The following CALN1 variants were observed in gnomAD, a reference collection of about 807,000 sequenced individuals.
CALN1 encodes the protein calcium-binding protein 8.
In CALN1, 17 loss-of-function variants were observed where a neutral mutation model predicts 30.6. That is an observed-to-expected ratio of 0.56 (90% CI 0.38 to 0.83). The LOEUF (loss-of-function observed/expected upper bound fraction) is 0.83. Among genes scored for constraint, CALN1 ranks in the 40% least tolerant of loss-of-function variants. The pLI, the probability that CALN1 is intolerant of heterozygous loss-of-function variation, is 0.00. For synonymous variants in CALN1, 156 were observed against 131.4 expected, an observed-to-expected ratio of 1.19 and a Z score of -1.28; for missense variants, 291 against 354.9, an observed-to-expected ratio of 0.82 and a Z score of 1.45.
intron 5 of CALN1, among the ~76,000 whole-genome samples, chr7:71,823,929 A>G (rs988458301): frequency 6.6e-6 from 1 of 152,126 alleles, no homozygotes; most frequent in Non-Finnish European, 1.5e-5. Context: ...AATCCATCAG[A>G]TCGCGTGAGA....
At chr7:72,186,737 T>A (rs1190588927) in intron 3 of CALN1, among the ~76,000 whole-genome samples, 2 of 152,284 alleles carry the variant, frequency 1.3e-5, no homozygotes, top group Admixed American at 6.5e-5. Flanking sequence ...GCGAAGGACA[T>A]GATTTTGTCC....
chr7:72,132,036 A>T (rs781209373), intron 3 of CALN1, among the ~76,000 whole-genome samples: 1 of 152,202 alleles, frequency 6.6e-6, no homozygotes, highest in Non-Finnish European at 1.5e-5. Flanking sequence ...CCAGTCGCTC[A>T]ATGTATATGC....
chr7:72,350,999 G>C (rs1018293797), intron 2 of CALN1, among the ~76,000 whole-genome samples: 7 of 152,012 alleles, frequency 4.6e-5, no homozygotes, highest in Admixed American at 1.3e-4. Flanking sequence ...AAATGAGCTG[G>C]GCGTGGTGGC....
intron 5 of CALN1, among the ~76,000 whole-genome samples, chr7:71,843,263 T>C (rs1584349084): frequency 1.3e-5 from 2 of 152,152 alleles, no homozygotes; most frequent in Non-Finnish European, 1.5e-5. Flanking sequence ...GAGCACCATC[T>C]TGAATTCACA....
chr7:72,354,611 A>G (rs1369143184), intron 2 of CALN1, among the ~76,000 whole-genome samples: 1 of 152,254 alleles, frequency 6.6e-6, no homozygotes, highest in Non-Finnish European at 1.5e-5. Context: ...GCAAAGGAAC[A>G]GAAATGATTA....
intron 4 of CALN1, among the ~76,000 whole-genome samples, chr7:72,070,805 T>C (rs1032279273): frequency 1.3e-5 from 2 of 152,186 alleles, no homozygotes; most frequent in African/African-American, 4.8e-5. Context: ...ACTTTGCAGT[T>C]TTTATAAGGT....
At chr7:72,499,825 CCTTCTTT>C in the CALN1 span, among the ~76,000 whole-genome samples, 1 of 66,088 alleles carries the variant, frequency 1.5e-5, no homozygotes, top group Non-Finnish European at 2.7e-5. Flanking sequence ...TTCCTTCCTT[CCTTCTTT>C]CTTTCTTTCT....
At chr7:71,997,260 T>C (rs1311360779) in intron 5 of CALN1, among the ~76,000 whole-genome samples, 1 of 150,198 alleles carries the variant, frequency 6.7e-6, no homozygotes, top group African/African-American at 2.4e-5. Flanking sequence ...AAAGAAAGAA[T>C]CAAATGGAAC....
intron 3 of CALN1, among the ~76,000 whole-genome samples, chr7:72,134,893 G>C (rs1809398581): frequency 6.6e-6 from 1 of 152,204 alleles, no homozygotes; most frequent in Non-Finnish European, 1.5e-5. Context: ...CCTTGCCACT[G>C]TTTTATTATG....
the CALN1 span, among the ~76,000 whole-genome samples, chr7:72,455,321 ATGTGTGTGTGTGTGTGTGTGTGTGTG>A: frequency 1.4e-5 from 2 of 138,764 alleles, no homozygotes; most frequent in Admixed American, 1.5e-4. Flanking sequence ...ATATATATAT[ATGTGTGTGTGTGTGTGTGTGTGTGTG>A]TGTGTGTGTG....
intron 3 of CALN1, among the ~76,000 whole-genome samples, chr7:72,266,110 G>C (rs1226807290): frequency 6.6e-6 from 1 of 151,518 alleles, no homozygotes; most frequent in African/African-American, 2.4e-5. Context: ...TTCCAGCCTG[G>C]ACAACAGACC....
intron 5 of CALN1, among the ~76,000 whole-genome samples, chr7:71,932,771 G>C (rs1383264721): frequency 6.9e-6 from 1 of 145,112 alleles, no homozygotes; most frequent in East Asian, 2.0e-4. Context: ...AGCCGAGATC[G>C]CATCACTGCA....
At chr7:72,427,930 C>T (rs940999839) in intron 1 of CALN1, among the ~76,000 whole-genome samples, 3 of 152,124 alleles carry the variant, frequency 2.0e-5, no homozygotes, top group African/African-American at 4.8e-5. Flanking sequence ...CACTGCCTAA[C>T]CCCTGCCTCT....
intron 4 of CALN1, among the ~76,000 whole-genome samples, chr7:72,030,276 C>T (rs948029294): frequency 2.6e-5 from 4 of 152,140 alleles, no homozygotes; most frequent in Non-Finnish European, 5.9e-5. Flanking sequence ...GTTGGAGGAA[C>T]AATCAGGATA....
At chr7:72,248,405 C>T (rs545989377) in intron 3 of CALN1, among the ~76,000 whole-genome samples, 3 of 152,278 alleles carry the variant, frequency 2.0e-5, no homozygotes, top group African/African-American at 7.2e-5. Flanking sequence ...GGCCTCTTTG[C>T]CTTTTCTCAC....
intron 2 of CALN1, among the ~76,000 whole-genome samples, chr7:72,394,127 T>C (rs1805762908): frequency 6.6e-6 from 1 of 152,160 alleles, no homozygotes; most frequent in African/African-American, 2.4e-5. Flanking sequence ...ATTTACACTT[T>C]GTGCATATAG....
At chr7:72,268,029 T>A (rs1229236095) in intron 3 of CALN1, among the ~76,000 whole-genome samples, 1 of 152,050 alleles carries the variant, frequency 6.6e-6, no homozygotes, top group South Asian at 2.1e-4. Context: ...AATAAATAAA[T>A]AAAAATTAAT....
At chr7:72,419,603 C>G (rs770028656) in intron 1 of CALN1, among the ~76,000 whole-genome samples, 2 of 152,164 alleles carry the variant, frequency 1.3e-5, no homozygotes, top group African/African-American at 2.4e-5. Flanking sequence ...TAAACCCCAC[C>G]CTCAAGCTTG....
At chr7:72,385,145 CAAT>C (rs1369927756) in intron 2 of CALN1, among the ~76,000 whole-genome samples, 5 of 152,130 alleles carry the variant, frequency 3.3e-5, no homozygotes, top group African/African-American at 9.7e-5. Flanking sequence ...TTTTAAAAGA[CAAT>C]AATAACTGCT....
Sources: gnomAD v4.1 joint callset for allele counts (sites outside exome capture counted in the v4.1 genomes callset) on GRCh38, gnomAD v4.1.1 for gene constraint, MANE v1.5 for transcripts, NCBI Gene and HGNC (gene_info 2026-07-23, HGNC 2026-07-21) for gene names.